RBM34: variants seen among roughly 807,000 people sequenced by gnomAD.
RBM34 encodes RNA-binding protein 34.
In RBM34, 39 loss-of-function variants were observed where a neutral mutation model predicts 44.6. The observed-to-expected ratio is 0.87, with a 90% CI of 0.68 to 1.14. The LOEUF (loss-of-function observed/expected upper bound fraction) is 1.14, where lower values mean the gene tolerates loss of function less well. Among genes scored for constraint, RBM34 ranks in the 50% most tolerant of loss-of-function variants. The pLI, the probability that RBM34 is intolerant of heterozygous loss-of-function variation, is 0.00. For synonymous variants in RBM34, 194 were observed against 184.0 expected (o/e 1.05, Z -0.44); for missense variants, 572 against 517.9 (o/e 1.10, Z -1.01).
At chr1:235,139,251 A>G (rs1661572816) in intron 6 of RBM34, among the ~76,000 whole-genome samples, 1 of 152,220 alleles carries the variant, frequency 6.6e-6, no homozygotes, top group Non-Finnish European at 1.5e-5. Context: ...TATCATCAAG[A>G]AGGGAACTGG....
At chr1:235,134,313 C>G (rs572641037) in intron 10 of RBM34, among the ~76,000 whole-genome samples, 22 of 152,190 alleles carry the variant, frequency 1.4e-4, no homozygotes, top group Admixed American at 5.9e-4. Context: ...CGTGAGCCAC[C>G]GCACCCAGCC....
At chr1:235,143,080 A>G (rs1334075860) in intron 6 of RBM34, among the ~76,000 whole-genome samples, 1 of 152,192 alleles carries the variant, frequency 6.6e-6, no homozygotes, top group Non-Finnish European at 1.5e-5. Context: ...GTCACTAAAA[A>G]ATGGGCAAAA....
chr1:235,160,230 C>T (rs143211665), intron 3 of RBM34: 1 of 532,012 alleles, frequency 1.9e-6, no homozygotes, highest in Non-Finnish European at 3.6e-6. Flanking sequence ...GCAGCCTGGG[C>T]GTGGCATCAA....
chr1:235,145,961 A>G lies in RBM34; in HGVS notation c.701+2443T>C, dbSNP rs933762369. On this transcript the variant is annotated intron_variant, in intron 6 of 10. Coordinates refer to ENST00000408888, the MANE Select transcript of RBM34 (RefSeq NM_015014.4). The stretch of plus-strand genomic sequence containing the variant: ...CCTCCATGACCAGCTAAAATATTAC[A>G]GCAGGTTTTTTTTTTTTTTTTTTTT... Among the ~76,000 whole-genome samples the G allele has an allele frequency of 5.0e-5, 7 of 140,030 alleles. No individual in the cohort carries two copies. The East Asian group carries it at 1.1e-3, about 21-fold the overall frequency. 91.9% of individuals were successfully genotyped at this position (140,030 alleles called of 152,430 possible). A position where few individuals can be genotyped will look rare whatever the true frequency, so the allele number is the denominator to read the frequency against.
rs554093893 is a variant in RBM34 at position 235,138,422 on chromosome 1, G to A, written c.702-248C>T. On this transcript the variant is annotated intron_variant, in intron 6 of 10. Coordinates refer to ENST00000408888, the MANE Select transcript of RBM34 (RefSeq NM_015014.4). ...GAATCATAACCATGAGAAAACAGAT[G>A]AACCATGTATATGAATCCCTGAGAA... Among the ~76,000 whole-genome samples the A allele has an allele frequency of 5.5e-4, 83 of 152,286 alleles. 1 individual carries two copies. The highest frequency in any genetic ancestry group is 6.9e-4 in the Non-Finnish European group (47 of 68,022).
intron 3 of RBM34, 79 bp from the exon 4 acceptor site, chr1:235,155,191 C>A: frequency 9.2e-7 from 1 of 1,086,190 alleles, no homozygotes; most frequent in Non-Finnish European, 1.3e-6. Context: ...CAGCCCTACC[C>A]TCCCGACTAG....
chr1:235,148,576 A>C (rs1176089189), intron 5 of RBM34, 129 bp from the exon 6 acceptor site: 7 of 618,436 alleles, frequency 1.1e-5, no homozygotes, highest in East Asian at 3.6e-5. Context: ...AAATAAACAA[A>C]TCAGAAACAA....
intron 3 of RBM34, among the ~76,000 whole-genome samples, chr1:235,159,856 C>T (rs1170410634): frequency 3.4e-5 from 4 of 118,164 alleles, no homozygotes; most frequent in Non-Finnish European, 6.8e-5. Context: ...ACAAAAAGAG[C>T]AAAACTCCGT....
intron 6 of RBM34, among the ~76,000 whole-genome samples, 185 bp downstream of exon 6, chr1:235,148,219 A>G (rs1661991403): frequency 1.3e-5 from 2 of 152,334 alleles, no homozygotes; most frequent in South Asian, 2.1e-4. Context: ...TCTGTAAATT[A>G]TATTATGGCT....
At chr1:235,134,460 C>T (rs1177656132) in intron 10 of RBM34, among the ~76,000 whole-genome samples, 2 of 152,156 alleles carry the variant, frequency 1.3e-5, no homozygotes, top group Non-Finnish European at 2.9e-5. Context: ...CATGCCCGGC[C>T]TGTATATTCT....
At chr1:235,148,594 AATTT>A in intron 5 of RBM34, 147 bp from the exon 6 acceptor site, 1 of 511,884 alleles carries the variant, frequency 2.0e-6, no homozygotes, top group Non-Finnish European at 3.0e-6. Flanking sequence ...CAACTGTCCT[AATTT>A]TTTTTTTTTT....
At chr1:235,139,511 C>G (rs998136753) in intron 6 of RBM34, among the ~76,000 whole-genome samples, 1 of 152,148 alleles carries the variant, frequency 6.6e-6, no homozygotes, top group African/African-American at 2.4e-5. Context: ...TGGCCTAGGA[C>G]TGAAACCAAG....
In RBM34 at chr1:235,152,693, G is replaced by C. The variant is rs760637915; in HGVS notation, c.657+13C>G. The C allele has an allele frequency of 1.3e-6, 2 of 1,594,426 alleles. No homozygotes were observed. The highest frequency in any genetic ancestry group is 1.7e-6 in the Non-Finnish European group (2 of 1,170,022). On this transcript the variant is annotated intron_variant, in intron 5 of 10. Transcript: ENST00000408888. ...TTTAATATTATGTAATTTTACGGGGGAATGAAACATACCAGAGAACGAAAT... is the reference window on the plus strand; with the variant it reads ...TTTAATATTATGTAATTTTACGGGGCAATGAAACATACCAGAGAACGAAAT...
At chr1:235,148,325 T>G (rs1035222780) in intron 6 of RBM34, 79 bp downstream of exon 6, 2 of 1,051,622 alleles carry the variant, frequency 1.9e-6, no homozygotes, top group African/African-American at 3.3e-5. Flanking sequence ...ATCTATGCAA[T>G]TGTTAAGAAA....
chr1:235,137,449 A>G (rs1313516761), intron 8 of RBM34, among the ~76,000 whole-genome samples: 2 of 152,048 alleles, frequency 1.3e-5, no homozygotes, highest in Non-Finnish European at 2.9e-5. Flanking sequence ...ACTACAGCTC[A>G]CTGCAGCCTC....
At chr1:235,160,777 T>C in intron 2 of RBM34, 116 bp downstream of exon 2, 1 of 1,512,594 alleles carries the variant, frequency 6.6e-7, no homozygotes, top group Non-Finnish European at 9.0e-7. Context: ...AAAGGTTACT[T>C]AAAATGAATC....
chr1:235,161,223 C>G lies in RBM34; in HGVS notation c.4G>C (p.Ala2Pro), dbSNP rs1379125115. Residue 2 changes from alanine to proline, a missense_variant, in exon 1 of 11, where the codon GCC becomes CCC. Ala to Pro is a conservative substitution (Grantham distance 27). Coordinates refer to ENST00000408888, the MANE Select transcript of RBM34 (RefSeq NM_015014.4). ...TTCCGTTTGCTCATCCCTTCCAAGGCCATTCTTACTCCAAAGACTCCCAGA... is the reference window on the plus strand; with the variant it reads ...TTCCGTTTGCTCATCCCTTCCAAGGGCATTCTTACTCCAAAGACTCCCAGA... M[A>P]LEGMSKRKRK... 1.2e-6 allele frequency: 2 copies of G among 1,613,162 alleles called. No individual in the cohort carries two copies. Among genetic ancestry groups the G allele is most frequent in the Non-Finnish European group, 1.7e-6 (2 of 1,179,734 alleles).
At position 235,159,835 on chromosome 1, in the gene RBM34, C is replaced by T. The variant is rs146908141; in HGVS notation, c.365+676G>A. Among the ~76,000 whole-genome samples, 130 of 148,012 alleles carry T rather than the reference C, an allele frequency of 8.8e-4. 2 individuals carry two copies. The highest frequency in any genetic ancestry group is 3.1e-3 in the African/African-American group (124 of 39,860). On this transcript the variant is annotated intron_variant, in intron 3 of 10. Coordinates refer to ENST00000408888, the MANE Select transcript of RBM34 (RefSeq NM_015014.4). ...AGTGAGCTGAGATCAGGCCACTGCA[C>T]TCCAGTCTGGACAAAAAGAGCAAAA...
chr1:235,140,980 G>C (rs1206665056), intron 6 of RBM34, among the ~76,000 whole-genome samples: 1 of 151,844 alleles, frequency 6.6e-6, no homozygotes, highest in Admixed American at 6.6e-5. Flanking sequence ...ACACCAATCG[G>C]CACCCTGTGT....
Sources: allele counts gnomAD v4.1 joint callset (sites outside exome capture counted in the v4.1 genomes callset), GRCh38; gene constraint gnomAD v4.1.1; transcripts MANE v1.5; gene names NCBI Gene and HGNC (gene_info 2026-07-23, HGNC 2026-07-21).